Variants in ASCC3 observed in about 807,000 individuals in gnomAD.
ASCC3 encodes the protein ASC-1 complex subunit P200.
ASCC3 carries 158 observed loss-of-function variants against 256.3 expected under a neutral mutation model. The ratio of observed to expected loss-of-function variants is 0.62; its 90% CI spans 0.54 to 0.70. The LOEUF is 0.70. Among genes scored for constraint, ASCC3 ranks in the 30% least tolerant of loss-of-function variants. ASCC3 has a pLI of 0.00. For missense variants in ASCC3, 2,259 were observed against 2,626.0 expected (o/e 0.86, Z 3.05); for synonymous variants, 948 against 883.4 (o/e 1.07, Z -1.30).
intron 3 of ASCC3, among the ~76,000 whole-genome samples, chr6:100,851,162 T>A (rs1259031538): frequency 1.3e-5 from 2 of 152,150 alleles, no homozygotes; most frequent in African/African-American, 2.4e-5. Context: ...AGCTATTACA[T>A]CATTAAACAA....
At chr6:100,585,408 CGA>C (rs1582500911) in intron 36 of ASCC3, among the ~76,000 whole-genome samples, 2 of 152,150 alleles carry the variant, frequency 1.3e-5, no homozygotes, top group East Asian at 3.9e-4. Context: ...ACGTAGTTCT[CGA>C]GCCTTGGCTT....
chr6:100,753,344 C>CT (rs1488503399), intron 10 of ASCC3, among the ~76,000 whole-genome samples: 1 of 149,550 alleles, frequency 6.7e-6, no homozygotes, highest in Admixed American at 6.7e-5. Context: ...AATAGAATGG[C>CT]TATCAGCTAT....
intron 12 of ASCC3, among the ~76,000 whole-genome samples, chr6:100,715,763 T>G (rs1779061536): frequency 6.6e-6 from 1 of 151,810 alleles, no homozygotes. Flanking sequence ...GAGTACTAAC[T>G]TTCTAAACCC....
intron 8 of ASCC3, among the ~76,000 whole-genome samples, chr6:100,785,611 T>G (rs778667896): frequency 6.6e-6 from 1 of 152,154 alleles, no homozygotes; most frequent in East Asian, 1.9e-4. Context: ...GGGGTCTCAC[T>G]ATGTTGCCCA....
At chr6:100,581,345 T>A (rs1000395306) in intron 36 of ASCC3, among the ~76,000 whole-genome samples, 4 of 152,190 alleles carry the variant, frequency 2.6e-5, no homozygotes, top group Non-Finnish European at 5.9e-5. Flanking sequence ...ATGGTGAGCA[T>A]TTTTTCATGT....
chr6:100,565,711 CA>C (rs1686075460), intron 36 of ASCC3, among the ~76,000 whole-genome samples: 3 of 152,026 alleles, frequency 2.0e-5, no homozygotes, highest in African/African-American at 7.2e-5. Context: ...TAGGGCAGAG[CA>C]ACCAAAAAGA....
rs1387151652 is a variant in ASCC3, at chr6:100,655,841, A to C, written c.2704-23T>G. 6 of 1,608,500 alleles carry C rather than the reference A, an allele frequency of 3.7e-6. No homozygotes were observed. The African/African-American group carries it at 6.7e-5, about 18-fold the overall frequency. On this transcript the variant is annotated intron_variant, in intron 16 of 41. Transcript: ENST00000369162. ...AATCTGCAAATCAAAAAGATGACAG[A>C]AATTAATGTATTAAAGTTGAACATA...
chr6:100,572,492 T>C (rs1770643581), intron 36 of ASCC3, among the ~76,000 whole-genome samples: 1 of 152,132 alleles, frequency 6.6e-6, no homozygotes, highest in Non-Finnish European at 1.5e-5. Flanking sequence ...GGACTACTGG[T>C]GGTCTGATAA....
At chr6:100,754,886 T>C (rs1781102936) in intron 10 of ASCC3, among the ~76,000 whole-genome samples, 1 of 152,040 alleles carries the variant, frequency 6.6e-6, no homozygotes, top group African/African-American at 2.4e-5. Flanking sequence ...TAAAGGGTGG[T>C]TCCTCTGCAT....
In ASCC3 at chr6:100,597,434, T is replaced by C. The variant is rs556834226; in HGVS notation, c.5303+4376A>G. ...TTATAATTTTAAGTAAATTTTATGA[T>C]TTTTGAGGCTAGAAGTCATTATTTA... On this transcript the variant is annotated intron_variant, in intron 34 of 41. Transcript: ENST00000369162. Among the ~76,000 whole-genome samples the C allele has an allele frequency of 1.3e-4, 20 of 152,252 alleles. No individual in the cohort carries two copies. The South Asian group carries it at 4.2e-3, about 32-fold the overall frequency.
intron 17 of ASCC3, among the ~76,000 whole-genome samples, chr6:100,653,319 T>C (rs1016016146): frequency 2.0e-5 from 3 of 152,116 alleles, no homozygotes; most frequent in African/African-American, 7.2e-5. Context: ...ATGCTTTCCC[T>C]GTCAAAATCA....
At chr6:100,812,354 G>T (rs1472309679) in intron 4 of ASCC3, among the ~76,000 whole-genome samples, 1 of 151,982 alleles carries the variant, frequency 6.6e-6, no homozygotes, top group East Asian at 1.9e-4. Flanking sequence ...GTAACCACAT[G>T]TCAAATATAA....
chr6:100,726,264 T>C (rs1359305892), intron 10 of ASCC3, among the ~76,000 whole-genome samples: 1 of 151,936 alleles, frequency 6.6e-6, no homozygotes, highest in Non-Finnish European at 1.5e-5. Context: ...ATAATTCTCC[T>C]AAATTTTAAA....
chr6:100,789,755 C>T (rs1278670731), intron 8 of ASCC3, among the ~76,000 whole-genome samples: 5 of 151,840 alleles, frequency 3.3e-5, no homozygotes, highest in Non-Finnish European at 5.9e-5. Flanking sequence ...AAACATTTAG[C>T]GGAAGAAATC....
At chr6:100,738,499 T>A (rs1325574348) in intron 10 of ASCC3, among the ~76,000 whole-genome samples, 13 of 152,180 alleles carry the variant, frequency 8.5e-5, no homozygotes, top group Admixed American at 8.5e-4. Context: ...CTTGGTTTTG[T>A]CTGGTTTTTG....
At chr6:100,511,262 C>T (rs1189534002) in intron 40 of ASCC3, among the ~76,000 whole-genome samples, 1 of 151,538 alleles carries the variant, frequency 6.6e-6, no homozygotes, top group Admixed American at 6.6e-5. Context: ...CAACATAATA[C>T]AAAAAATTAG....
At chr6:100,583,797 C>T (rs533251943) in intron 36 of ASCC3, among the ~76,000 whole-genome samples, 312 of 152,190 alleles carry the variant, frequency 2.1e-3, no homozygotes, top group Non-Finnish European at 3.8e-3. Context: ...TCTTTGTTCT[C>T]GTTGGTTTCA....
intron 4 of ASCC3, among the ~76,000 whole-genome samples, chr6:100,832,313 A>G (rs1339186752): frequency 6.6e-6 from 1 of 152,166 alleles, no homozygotes; most frequent in Admixed American, 6.5e-5. Context: ...TGAGAGAAAG[A>G]TAATCTTCCT....
At chr6:100,681,564 TAAAAATACA>T (rs1777303388) in intron 13 of ASCC3, among the ~76,000 whole-genome samples, 1 of 151,452 alleles carries the variant, frequency 6.6e-6, no homozygotes, top group African/African-American at 2.4e-5. Context: ...CCGTCTCTAC[TAAAAATACA>T]AAAATTAGCG....
Sources: allele counts gnomAD v4.1 joint callset (sites outside exome capture counted in the v4.1 genomes callset), GRCh38; gene constraint gnomAD v4.1.1; transcripts MANE v1.5; gene names NCBI Gene and HGNC (gene_info 2026-07-23, HGNC 2026-07-21).